EPHB1: variants seen among roughly 807,000 people sequenced by gnomAD.
EPHB1 encodes ephrin type-B receptor 1.
A neutral mutation model predicts 94.4 loss-of-function variants in EPHB1; 30 were observed. The observed-to-expected ratio is 0.32, with a 90% CI of 0.24 to 0.43. The LOEUF (loss-of-function observed/expected upper bound fraction) is 0.43. EPHB1 is among the 20% of genes least tolerant of loss of function. The probability of loss-of-function intolerance (pLI) is 1.00; values close to 1 mark genes in which losing one functional copy is unlikely to be tolerated. For missense variants in EPHB1, 1,055 were observed against 1,308.3 expected, an observed-to-expected ratio of 0.81 and a Z score of 2.99; for synonymous variants, 522 against 489.1, an observed-to-expected ratio of 1.07 and a Z score of -0.89.
At chr3:135,023,949 T>C (rs985549928) in intron 3 of EPHB1, among the ~76,000 whole-genome samples, 5 of 152,252 alleles carry the variant, frequency 3.3e-5, no homozygotes, top group Admixed American at 1.3e-4. Flanking sequence ...TATAGTTTGG[T>C]ATTTTAGGTG....
chr3:134,942,330 A>C (rs184469848), intron 2 of EPHB1, among the ~76,000 whole-genome samples: 245 of 152,340 alleles, frequency 1.6e-3, no homozygotes, highest in African/African-American at 5.5e-3. Flanking sequence ...ATTAAGGAGA[A>C]TGACTGGGAG....
At chr3:135,156,017 G>A (rs1197799547) in intron 6 of EPHB1, among the ~76,000 whole-genome samples, 3 of 152,088 alleles carry the variant, frequency 2.0e-5, no homozygotes, top group African/African-American at 7.2e-5. Context: ...TTCCAGATCA[G>A]CTAAAGGCAG....
chr3:135,031,329 T>A (rs1227516834), intron 3 of EPHB1, among the ~76,000 whole-genome samples: 1 of 152,146 alleles, frequency 6.6e-6, no homozygotes, highest in Non-Finnish European at 1.5e-5. Flanking sequence ...CTCTGTTTCT[T>A]GATGGGGTCT....
intron 3 of EPHB1, among the ~76,000 whole-genome samples, chr3:135,084,801 A>T (rs1053776421): frequency 2.0e-5 from 3 of 152,228 alleles, no homozygotes; most frequent in Non-Finnish European, 4.4e-5. Flanking sequence ...AAGCTTACAA[A>T]AGTCAAAGTA....
intron 12 of EPHB1, among the ~76,000 whole-genome samples, chr3:135,228,316 C>T (rs967074650): frequency 6.6e-5 from 10 of 152,024 alleles, no homozygotes; most frequent in Non-Finnish European, 1.0e-4. Flanking sequence ...TGCTTAGATT[C>T]GGGTTATTTA....
At chr3:135,070,060 A>G (rs1937654249) in intron 3 of EPHB1, among the ~76,000 whole-genome samples, 1 of 152,160 alleles carries the variant, frequency 6.6e-6, no homozygotes. Flanking sequence ...ACTGTGGAAG[A>G]GTTATTGTAA....
intron 5 of EPHB1, among the ~76,000 whole-genome samples, chr3:135,151,564 G>A (rs58368140): frequency 0.024 from 3,679 of 152,118 alleles, 63 homozygotes; most frequent in African/African-American, 0.055. Flanking sequence ...TCTAGTCTCT[G>A]CTGAATCCCC....
At chr3:135,179,318 G>GTACC (rs765891487) in intron 9 of EPHB1, among the ~76,000 whole-genome samples, 1 of 152,042 alleles carries the variant, frequency 6.6e-6, no homozygotes, top group Admixed American at 6.5e-5. Flanking sequence ...CTCTTCTGGT[G>GTACC]TACCGTCTTG....
chr3:135,186,073 AAAT>A (rs767764865), intron 10 of EPHB1, among the ~76,000 whole-genome samples: 1 of 152,232 alleles, frequency 6.6e-6, no homozygotes, highest in Non-Finnish European at 1.5e-5. Flanking sequence ...TTGCTTATGA[AAAT>A]AAGCTAATTA....
At chr3:135,171,748 A>G (rs1460426507) in intron 9 of EPHB1, among the ~76,000 whole-genome samples, 1 of 152,234 alleles carries the variant, frequency 6.6e-6, no homozygotes, top group Non-Finnish European at 1.5e-5. Context: ...TTGATGCAGT[A>G]TAATACTGCT....
chr3:135,113,121 A>C (rs1939529448), intron 4 of EPHB1, among the ~76,000 whole-genome samples: 1 of 152,204 alleles, frequency 6.6e-6, no homozygotes, highest in Non-Finnish European at 1.5e-5. Flanking sequence ...GATCAATAAG[A>C]GTCAGAGGGC....
chr3:135,064,367 A>T (rs150710522), intron 3 of EPHB1, among the ~76,000 whole-genome samples: 1 of 152,160 alleles, frequency 6.6e-6, no homozygotes, highest in East Asian at 1.9e-4. Context: ...TTACCATTTC[A>T]ATATTGCTGC....
intron 13 of EPHB1, 54 bp downstream of exon 13, chr3:135,241,351 G>C: frequency 6.2e-7 from 1 of 1,605,950 alleles, no homozygotes; most frequent in Non-Finnish European, 8.5e-7. Context: ...GGATCCCAAA[G>C]GCAGTAGCAT....
At chr3:135,168,827 C>T (rs1941726344) in intron 9 of EPHB1, among the ~76,000 whole-genome samples, 1 of 152,128 alleles carries the variant, frequency 6.6e-6, no homozygotes, top group Non-Finnish European at 1.5e-5. Flanking sequence ...AAAGTGGAGC[C>T]AGGACCATAA....
intron 1 of EPHB1, among the ~76,000 whole-genome samples, chr3:134,833,053 G>A (rs1578122964): frequency 6.6e-6 from 1 of 152,192 alleles, no homozygotes; most frequent in African/African-American, 2.4e-5. Context: ...TTTGCAGGTG[G>A]AAGTCTGAGT....
intron 3 of EPHB1, among the ~76,000 whole-genome samples, chr3:135,018,090 G>C (rs1459863143): frequency 6.6e-6 from 1 of 152,058 alleles, no homozygotes; most frequent in Non-Finnish European, 1.5e-5. Flanking sequence ...GGCCTTGAAA[G>C]GTGGACAAGT....
chr3:134,972,570 A>C (rs1205102636), intron 3 of EPHB1, among the ~76,000 whole-genome samples: 1 of 141,860 alleles, frequency 7.0e-6, no homozygotes, highest in Non-Finnish European at 1.6e-5. Context: ...ATTATATATT[A>C]AATATATATA....
rs2036562634 is a variant in EPHB1, at chr3:134,830,510, T to G, written c.58+34821T>G. Among the ~76,000 whole-genome samples, 4 of 152,194 alleles carry G rather than the reference T, an allele frequency of 2.6e-5. No homozygotes were observed. The South Asian group carries it at 8.3e-4, about 32-fold the overall frequency. ...GGTGGGGGAGTTTTGCAGGGAGCTT[T>G]GGGGAATTTTGATCTGGAGATGGGG... On this transcript the variant is annotated intron_variant, in intron 1 of 15. Coordinates refer to ENST00000398015, the MANE Select transcript of EPHB1 (RefSeq NM_004441.5).
intron 3 of EPHB1, among the ~76,000 whole-genome samples, chr3:135,015,442 A>G (rs1358961202): frequency 6.6e-6 from 1 of 152,100 alleles, no homozygotes; most frequent in Non-Finnish European, 1.5e-5. Flanking sequence ...GGGTTTCACC[A>G]TGTTGGCCAG....
Sources: allele counts gnomAD v4.1 joint callset (sites outside exome capture counted in the v4.1 genomes callset), GRCh38; gene constraint gnomAD v4.1.1; transcripts MANE v1.5; gene names NCBI Gene and HGNC (gene_info 2026-07-23, HGNC 2026-07-21).